MAGI3: variants seen among roughly 807,000 people sequenced by gnomAD.
MAGI3 encodes the protein membrane-associated guanylate kinase, WW and PDZ domain-containing protein 3.
A neutral mutation model predicts 121.8 loss-of-function variants in MAGI3; 43 were observed. The ratio of observed to expected loss-of-function variants is 0.35; its 90% CI spans 0.28 to 0.46. The LOEUF (loss-of-function observed/expected upper bound fraction) is 0.46, where lower values mean the gene tolerates loss of function less well. MAGI3 is among the 20% of genes least tolerant of loss of function. The probability of loss-of-function intolerance (pLI) is 1.00; values close to 1 mark genes in which losing one functional copy is unlikely to be tolerated. For missense variants in MAGI3, 1,547 were observed against 1,797.3 expected (o/e 0.86, Z 2.52); for synonymous variants, 553 against 639.3 (o/e 0.86, Z 2.04).
rs138645253 is a variant in MAGI3, at chr1:113,533,189, G to A, written c.317-16326G>A. On this transcript the variant is annotated intron_variant, in intron 1 of 20. Coordinates refer to ENST00000307546, the MANE Select transcript of MAGI3 (RefSeq NM_001142782.2). ...CATAGACCTCCGGATTACTTGTTTC[G>A]TGTCTCTCTGAAGAAAAAAATAAAA... 9.6e-3 allele frequency among the ~76,000 whole-genome samples: 1,462 copies of A among 152,108 alleles called. 14 individuals carry two copies. The highest frequency in any genetic ancestry group is 0.041 in the Middle Eastern group (12 of 294).
rs537888708 is a variant in MAGI3 at position 113,634,822 on chromosome 1, T to G, written c.1361-7089T>G. 5.5e-3 allele frequency among the ~76,000 whole-genome samples: 829 copies of G among 151,612 alleles called. 6 individuals carry two copies. The highest frequency in any genetic ancestry group is 0.019 in the African/African-American group (768 of 41,230). ...GCATTGAATCTATAAATTACCTTGG[T>G]CAATATGGCCATTTTCACGATATTG... On this transcript the variant is annotated intron_variant, in intron 9 of 20. Transcript: ENST00000307546.
At chr1:113,581,293 G>A (rs1204440789) in intron 3 of MAGI3, among the ~76,000 whole-genome samples, 4 of 151,914 alleles carry the variant, frequency 2.6e-5, no homozygotes, top group African/African-American at 9.7e-5. Context: ...ATAATTGCCT[G>A]TTTATAAGCT....
At chr1:113,395,272 A>G (rs1651051409) in intron 1 of MAGI3, among the ~76,000 whole-genome samples, 1 of 151,556 alleles carries the variant, frequency 6.6e-6, no homozygotes, top group Admixed American at 6.6e-5. Context: ...AGAGACCTAG[A>G]GATTATTTTA....
intron 1 of MAGI3, among the ~76,000 whole-genome samples, chr1:113,414,825 G>T (rs1461403560): frequency 6.6e-6 from 1 of 151,858 alleles, no homozygotes; most frequent in East Asian, 1.9e-4. Flanking sequence ...ACTGTTTGGT[G>T]GGTTAATTTA....
At chr1:113,542,755 A>G (rs576003390) in intron 1 of MAGI3, among the ~76,000 whole-genome samples, 20 of 152,356 alleles carry the variant, frequency 1.3e-4, no homozygotes, top group Non-Finnish European at 2.9e-4. Context: ...ACACAGGTAC[A>G]TACGCGTGTG....
intron 1 of MAGI3, among the ~76,000 whole-genome samples, chr1:113,469,104 A>G (rs1199521413): frequency 6.6e-6 from 1 of 152,170 alleles, no homozygotes; most frequent in East Asian, 1.9e-4. Context: ...GAGTAATAGC[A>G]CTTGTTTTGA....
At chr1:113,651,465 G>A (rs945727560) in intron 14 of MAGI3, among the ~76,000 whole-genome samples, 3 of 152,092 alleles carry the variant, frequency 2.0e-5, no homozygotes, top group African/African-American at 7.2e-5. Context: ...TGTATTATAG[G>A]TGGGAGTATT....
chr1:113,497,364 C>T (rs1367789124), intron 1 of MAGI3, among the ~76,000 whole-genome samples: 9 of 114,790 alleles, frequency 7.8e-5, no homozygotes, highest in Admixed American at 9.7e-5. Context: ...GCGCACCGTG[C>T]GCGAGCCGAA....
intron 2 of MAGI3, among the ~76,000 whole-genome samples, chr1:113,577,802 T>C (rs995378196): frequency 6.6e-6 from 1 of 152,154 alleles, no homozygotes; most frequent in African/African-American, 2.4e-5. Context: ...TTGCCTAAAT[T>C]GTGCCGTTAA....
At position 113,580,430 on chromosome 1, in the gene MAGI3, G is replaced by A. The variant is rs111931227; in HGVS notation, c.434-112G>A. The A allele has an allele frequency of 2.2e-4, 188 of 865,446 alleles. No homozygotes were observed. The African/African-American group carries it at 2.7e-3, about 12-fold the overall frequency. 53.6% of individuals were successfully genotyped at this position (865,446 alleles called of 1,614,324 possible). A position where few individuals can be genotyped will look rare whatever the true frequency, so the allele number is the denominator to read the frequency against. ...TTTTACCTTAATAAAGTTGGGGCAG[G>A]GGAATGAAACATCTCTTATGTGTTC... is the stretch of plus-strand genomic sequence containing the variant. On this transcript the variant is annotated intron_variant, in intron 2 of 20. Transcript: ENST00000307546.
Position 113,683,641 on chromosome 1 carries a change from T to C in MAGI3, c.4073T>C (p.Ile1358Thr), listed in dbSNP as rs759219581. The C allele has an allele frequency of 1.2e-6, 2 of 1,611,904 alleles. No homozygotes were observed. The highest frequency in any genetic ancestry group is 8.5e-7 in the Non-Finnish European group (1 of 1,179,230). ...KSRTRSPEKK[I>T]KRMVEKSLPS... Reference sequence around the variant, plus strand: ...AGAACAAGGTCTCCAGAGAAAAAAATCAAAAGAATGGTTGAGAAATCTCTT... The same window carrying C: ...AGAACAAGGTCTCCAGAGAAAAAAACCAAAAGAATGGTTGAGAAATCTCTT... The change falls in exon 21 of 21, where the codon ATC becomes ACC. Residue 1358 changes from isoleucine (I) to threonine (T), a missense_variant. Coordinates refer to ENST00000307546, the MANE Select transcript of MAGI3 (RefSeq NM_001142782.2).
At chr1:113,442,994 A>T (rs756180668) in intron 1 of MAGI3, among the ~76,000 whole-genome samples, 1 of 152,164 alleles carries the variant, frequency 6.6e-6, no homozygotes, top group Admixed American at 6.6e-5. Context: ...GTGGAGCCTA[A>T]CATCTTTTTA....
At chr1:113,457,370 A>G (rs1342717536) in intron 1 of MAGI3, among the ~76,000 whole-genome samples, 1 of 152,166 alleles carries the variant, frequency 6.6e-6, no homozygotes, top group Non-Finnish European at 1.5e-5. Flanking sequence ...TTCCCATTTG[A>G]CCCTTACAAT....
intron 9 of MAGI3, among the ~76,000 whole-genome samples, chr1:113,634,360 A>G (rs1357700100): frequency 6.6e-6 from 1 of 152,090 alleles, no homozygotes. Flanking sequence ...TAGGGTTTTT[A>G]TGGTTTTAGG....
intron 1 of MAGI3, among the ~76,000 whole-genome samples, chr1:113,392,695 ATTG>A (rs1243568048): frequency 3.3e-5 from 5 of 151,992 alleles, no homozygotes; most frequent in Non-Finnish European, 4.4e-5. Flanking sequence ...TTTTCTTTTT[ATTG>A]TTGTTAATTT....
intron 9 of MAGI3, among the ~76,000 whole-genome samples, chr1:113,628,118 T>C (rs188122012): frequency 2.0e-5 from 3 of 152,238 alleles, no homozygotes; most frequent in Admixed American, 2.0e-4. Context: ...TCCTTCCTTT[T>C]AGTGAAGGTG....
intron 9 of MAGI3, 70 bp from the exon 10 acceptor site, chr1:113,641,841 T>G: frequency 2.8e-6 from 4 of 1,421,350 alleles, no homozygotes; most frequent in Non-Finnish European, 3.8e-6. Context: ...GTAGTTATTT[T>G]TGCCCCTCTA....
At chr1:113,620,563 A>G (rs1029314308) in intron 8 of MAGI3, among the ~76,000 whole-genome samples, 17 of 152,290 alleles carry the variant, frequency 1.1e-4, no homozygotes, top group African/African-American at 3.8e-4. Context: ...TCCTCCTCCT[A>G]AAGTTCTGCA....
rs147606165 is a variant in MAGI3, at chr1:113,479,958, A to G, written c.317-69557A>G. On this transcript the variant is annotated intron_variant, in intron 1 of 20. Coordinates refer to ENST00000307546, the MANE Select transcript of MAGI3 (RefSeq NM_001142782.2). The stretch of plus-strand genomic sequence containing the variant: ...TGTTTGTTTCTTTTTTGTGGTTTCT[A>G]TTTCTTTTTTGATTTTTTTTATTTT... Among the ~76,000 whole-genome samples, 1,064 of 150,236 alleles carry G rather than the reference A, an allele frequency of 7.1e-3. 43 individuals are homozygous for G. Among genetic ancestry groups the G allele is most frequent in the Admixed American group, 0.066 (1,004 of 15,168 alleles).
Sources: allele counts gnomAD v4.1 joint callset (sites outside exome capture counted in the v4.1 genomes callset), GRCh38; gene constraint gnomAD v4.1.1; transcripts MANE v1.5; gene names NCBI Gene and HGNC (gene_info 2026-07-23, HGNC 2026-07-21).